The following MYO3A variants were observed in gnomAD, a reference collection of about 807,000 sequenced individuals.
MYO3A encodes myosin-IIIa.
Under a neutral mutation model 192.7 loss-of-function variants are expected in MYO3A, and 180 were observed. The observed-to-expected ratio is 0.93, with a 90% CI of 0.83 to 1.06. MYO3A has a LOEUF of 1.06. Among genes scored for constraint, MYO3A ranks in the 50% least tolerant of loss-of-function variants. MYO3A has a pLI of 0.00. For missense variants in MYO3A, 1,896 were observed against 1,905.0 expected (o/e 1.00, Z 0.09); for synonymous variants, 628 against 645.3 (o/e 0.97, Z 0.41).
At chr10:26,045,356 A>G (rs1285348858) in intron 10 of MYO3A, among the ~76,000 whole-genome samples, 2 of 147,332 alleles carry the variant, frequency 1.4e-5, no homozygotes, top group Admixed American at 6.9e-5. Context: ...CCTAACTTGT[A>G]TGGGTGGCAT....
At chr10:26,113,008 T>C (rs1335157089) in intron 17 of MYO3A, among the ~76,000 whole-genome samples, 1 of 152,236 alleles carries the variant, frequency 6.6e-6, no homozygotes, top group East Asian at 1.9e-4. Context: ...TCTGTTTTAA[T>C]TGCGCTTTCA....
intron 10 of MYO3A, among the ~76,000 whole-genome samples, chr10:26,039,857 C>A (rs1843244538): frequency 6.9e-6 from 1 of 145,976 alleles, no homozygotes. Flanking sequence ...GTATTGTTTT[C>A]TTCTTTCCAA....
At position 26,173,717 on chromosome 10, in the gene MYO3A, C is replaced by G; in HGVS notation, c.3453C>G (p.Phe1151Leu). The G allele has an allele frequency of 6.2e-7, 1 of 1,613,882 alleles. No homozygotes were observed. The highest frequency in any genetic ancestry group is 8.5e-7 in the Non-Finnish European group (1 of 1,179,930). ...ATGCAATCTCTGCTAATGAAAGATTCATTTCAGCTCCAAATAATAAAGGAA... is the reference window on the plus strand; with the variant it reads ...ATGCAATCTCTGCTAATGAAAGATTGATTTCAGCTCCAAATAATAAAGGAA... ...AENAISANER[F>L]ISAPNNKGSV... Residue 1151 changes from phenylalanine (F) to leucine (L), a missense_variant, in exon 30 of 35, where the codon TTC becomes TTG. Phe to Leu is a conservative substitution (Grantham distance 22). Coordinates refer to ENST00000642920, the MANE Select transcript of MYO3A (RefSeq NM_017433.5).
chr10:25,949,872 G>A (rs1837091532), intron 2 of MYO3A, among the ~76,000 whole-genome samples: 3 of 152,050 alleles, frequency 2.0e-5, no homozygotes, highest in Admixed American at 2.0e-4. Flanking sequence ...ACAGAGTAAG[G>A]CCAAATCTAT....
intron 34 of MYO3A, among the ~76,000 whole-genome samples, chr10:26,205,463 CT>C (rs759042803): frequency 0.044 from 4,308 of 98,532 alleles, 335 homozygotes; most frequent in African/African-American, 0.16. Context: ...GTGTGCTTGT[CT>C]TTTTTTTTTT....
At chr10:26,208,340 T>C (rs1314683263) in intron 34 of MYO3A, among the ~76,000 whole-genome samples, 1 of 151,982 alleles carries the variant, frequency 6.6e-6, no homozygotes, top group Middle Eastern at 3.2e-3. Context: ...ACAGGAGAAT[T>C]GTGAAAGAAG....
chr10:26,111,060 A>T (rs141518041), intron 17 of MYO3A, among the ~76,000 whole-genome samples: 38 of 152,034 alleles, frequency 2.5e-4, no homozygotes, highest in African/African-American at 7.5e-4. Context: ...GTAGAGATGC[A>T]TCTCACTATG....
chr10:25,949,574 C>T (rs1837069981), intron 2 of MYO3A, among the ~76,000 whole-genome samples: 1 of 151,988 alleles, frequency 6.6e-6, no homozygotes, highest in African/African-American at 2.4e-5. Context: ...CATTTTGGAT[C>T]AAAGACATGA....
intron 22 of MYO3A, among the ~76,000 whole-genome samples, chr10:26,145,754 G>A (rs969518803): frequency 6.6e-6 from 1 of 152,156 alleles, no homozygotes; most frequent in Non-Finnish European, 1.5e-5. Context: ...TCCAGGGCAT[G>A]CGCTTCTAGC....
intron 10 of MYO3A, among the ~76,000 whole-genome samples, chr10:26,064,197 C>T (rs1448375691): frequency 2.0e-5 from 3 of 151,998 alleles, no homozygotes; most frequent in African/African-American, 7.3e-5. Flanking sequence ...AAGGGCTCAC[C>T]AGGAAAAGAC....
At chr10:26,161,529 A>G (rs373175921) in intron 26 of MYO3A, among the ~76,000 whole-genome samples, 10 of 152,190 alleles carry the variant, frequency 6.6e-5, no homozygotes, top group Admixed American at 2.0e-4. Flanking sequence ...GATAAGTACC[A>G]TGCTTTGAAG....
At chr10:26,006,879 TA>T (rs1383584523) in intron 6 of MYO3A, among the ~76,000 whole-genome samples, 1 of 151,298 alleles carries the variant, frequency 6.6e-6, no homozygotes, top group Non-Finnish European at 1.5e-5. Flanking sequence ...TAACTCATTT[TA>T]TGAGGCCAGC....
intron 23 of MYO3A, among the ~76,000 whole-genome samples, chr10:26,151,128 G>C (rs1392040335): frequency 1.3e-5 from 2 of 152,026 alleles, no homozygotes; most frequent in Admixed American, 1.3e-4. Flanking sequence ...ATTTGCACTT[G>C]AAAATATTGT....
intron 10 of MYO3A, among the ~76,000 whole-genome samples, chr10:26,028,157 G>A (rs1389054258): frequency 6.6e-6 from 1 of 152,124 alleles, no homozygotes; most frequent in African/African-American, 2.4e-5. Context: ...TATCTCATGT[G>A]ATTTTACAAC....
chr10:25,997,941 A>C (rs1425779119), intron 6 of MYO3A, among the ~76,000 whole-genome samples: 2 of 152,234 alleles, frequency 1.3e-5, no homozygotes, highest in Non-Finnish European at 2.9e-5. Flanking sequence ...TCTTGTGAGA[A>C]TGGATGACAG....
At chr10:26,209,775 T>C (rs1197460249) in intron 34 of MYO3A, among the ~76,000 whole-genome samples, 2 of 152,168 alleles carry the variant, frequency 1.3e-5, no homozygotes, top group African/African-American at 4.8e-5. Context: ...ACATGCACTC[T>C]CATGACCTTA....
In MYO3A at chr10:26,166,111, G is replaced by A. The variant is rs771625281; in HGVS notation, c.3044G>A (p.Ser1015Asn). The A allele has an allele frequency of 1.9e-6, 3 of 1,614,094 alleles. No homozygotes were observed. Among genetic ancestry groups the A allele is most frequent in the Non-Finnish European group, 1.7e-6 (2 of 1,180,032 alleles). Residue 1015 changes from serine to asparagine, a missense_variant, in exon 27 of 35, where the codon AGC becomes AAC. Transcript: ENST00000642920. ...AAGTCGAGCGAGGAGCCCCGCATGA[G>A]CCCTGACACCTGTGCCACCATTTTG... ...CYKSSEEPRMSPDTCATILEK... is the reference protein window; with the variant it reads ...CYKSSEEPRMNPDTCATILEK...
chr10:26,016,112 C>T (rs1299376792), intron 6 of MYO3A, among the ~76,000 whole-genome samples: 1 of 152,126 alleles, frequency 6.6e-6, no homozygotes, highest in African/African-American at 2.4e-5. Flanking sequence ...AGAAAAGAAA[C>T]TGTACTCCTA....
At chr10:26,134,151 G>A (rs1348470383) in intron 20 of MYO3A, among the ~76,000 whole-genome samples, 1 of 152,108 alleles carries the variant, frequency 6.6e-6, no homozygotes, top group Non-Finnish European at 1.5e-5. Context: ...TCTGAATAAG[G>A]AAGCTGCTGT....
Sources: gnomAD v4.1 joint callset for allele counts (sites outside exome capture counted in the v4.1 genomes callset) on GRCh38, gnomAD v4.1.1 for gene constraint, MANE v1.5 for transcripts, NCBI Gene and HGNC (gene_info 2026-07-23, HGNC 2026-07-21) for gene names.